Variants in SCMH1 observed in about 807,000 individuals in gnomAD.
SCMH1 encodes Scm polycomb group protein homolog 1, also known as polycomb protein SCMH1.
In SCMH1, 37 loss-of-function variants were observed where a neutral mutation model predicts 70.8. That is an observed-to-expected ratio of 0.52 (90% CI 0.40 to 0.69). The LOEUF (loss-of-function observed/expected upper bound fraction) is 0.69, where lower values mean the gene tolerates loss of function less well. Among genes scored for constraint, SCMH1 ranks in the 30% least tolerant of loss-of-function variants. The probability of loss-of-function intolerance (pLI) is 0.00; values close to 1 mark genes in which losing one functional copy is unlikely to be tolerated. For missense variants in SCMH1, 607 were observed against 827.3 expected (o/e 0.73, Z 3.27); for synonymous variants, 292 against 307.4 (o/e 0.95, Z 0.52).
intron 8 of SCMH1, among the ~76,000 whole-genome samples, chr1:41,084,021 C>T (rs1439108568): frequency 2.0e-5 from 3 of 152,112 alleles, no homozygotes; most frequent in Admixed American, 6.5e-5. Context: ...ACCATAAAAA[C>T]CCTAGAAGAA....
At chr1:41,051,962 T>C (rs1052313835) in intron 10 of SCMH1, among the ~76,000 whole-genome samples, 3 of 152,224 alleles carry the variant, frequency 2.0e-5, no homozygotes, top group African/African-American at 7.2e-5. Context: ...ACTTCCAGTA[T>C]TGCAAGCTCC....
chr1:41,241,595 G>T (rs969872405), intron 1 of SCMH1, among the ~76,000 whole-genome samples: 1 of 152,150 alleles, frequency 6.6e-6, no homozygotes, highest in South Asian at 2.1e-4. Context: ...CTCTGGCGCC[G>T]GAGGGGACCG....
intron 1 of SCMH1, among the ~76,000 whole-genome samples, chr1:41,229,540 T>A (rs1192753008): frequency 6.6e-6 from 1 of 151,870 alleles, no homozygotes; most frequent in Non-Finnish European, 1.5e-5. Context: ...AAGTGAACAA[T>A]GAGAACACTT....
chr1:41,189,814 C>G (rs1042132231), intron 1 of SCMH1, among the ~76,000 whole-genome samples: 1 of 152,204 alleles, frequency 6.6e-6, no homozygotes, highest in Admixed American at 6.5e-5. Context: ...CCATGACTTC[C>G]TTTGTCCTAC....
chr1:41,179,711 G>A (rs901069293), intron 2 of SCMH1, among the ~76,000 whole-genome samples: 4 of 152,144 alleles, frequency 2.6e-5, no homozygotes, highest in African/African-American at 9.7e-5. Context: ...CTGAAATTGA[G>A]GCGATAATTA....
chr1:41,209,715 C>T (rs1379042203), intron 1 of SCMH1, among the ~76,000 whole-genome samples: 1 of 152,196 alleles, frequency 6.6e-6, no homozygotes, highest in Non-Finnish European at 1.5e-5. Flanking sequence ...TGGGACATAT[C>T]TCAAAATAAT....
chr1:41,206,759 A>G (rs928923836), intron 1 of SCMH1, among the ~76,000 whole-genome samples: 2 of 152,194 alleles, frequency 1.3e-5, no homozygotes, highest in African/African-American at 4.8e-5. Context: ...CCAAGGGTGA[A>G]ATCAAGGAAA....
At chr1:41,089,943 C>T (rs1040340247) in intron 8 of SCMH1, among the ~76,000 whole-genome samples, 1 of 151,866 alleles carries the variant, frequency 6.6e-6, no homozygotes, top group South Asian at 2.1e-4. Context: ...AGGCATGTGC[C>T]ACCATGCCTG....
intron 6 of SCMH1, among the ~76,000 whole-genome samples, chr1:41,133,832 ATAG>A (rs1208409075): frequency 6.6e-6 from 1 of 152,236 alleles, no homozygotes; most frequent in East Asian, 1.9e-4. Context: ...AGATGGATTC[ATAG>A]TCAAATTCTA....
intron 8 of SCMH1, among the ~76,000 whole-genome samples, chr1:41,079,990 A>C (rs983467534): frequency 6.6e-5 from 10 of 152,144 alleles, no homozygotes; most frequent in African/African-American, 2.4e-4. Context: ...TTTAGGTATA[A>C]GATGTCCATT....
Position 41,073,086 on chromosome 1 carries a change from G to A in SCMH1, c.978+2133C>T, listed in dbSNP as rs148190722. 2.2e-3 allele frequency among the ~76,000 whole-genome samples: 337 copies of A among 152,314 alleles called. 2 individuals are homozygous for A. The highest frequency in any genetic ancestry group is 9.0e-3 in the Admixed American group (137 of 15,300). On this transcript the variant is annotated intron_variant, in intron 9 of 14. Transcript: ENST00000337495. ...CAAGACTTCCTGAGGGAGCAGAGCAGAGGCAATCACAGAATCAGTTTTTGA... is the reference window on the plus strand; with the variant it reads ...CAAGACTTCCTGAGGGAGCAGAGCAAAGGCAATCACAGAATCAGTTTTTGA...
chr1:41,104,202 C>A (rs1667309824), intron 8 of SCMH1, among the ~76,000 whole-genome samples: 1 of 152,160 alleles, frequency 6.6e-6, no homozygotes, highest in African/African-American at 2.4e-5. Flanking sequence ...GGGAGGCAGA[C>A]ACTTGTCTAT....
At chr1:41,058,378 G>GTTTTTTTTTTTTTTTTTTTTTTTTTTTTT (rs548733204) in intron 10 of SCMH1, among the ~76,000 whole-genome samples, 8 of 81,640 alleles carry the variant, frequency 9.8e-5, no homozygotes, top group African/African-American at 2.0e-4. Context: ...TTTCTTTCTT[G>GTTTTTTTTTTTTTTTTTTTTTTTTTTTTT]TTTTTTTTTT....
intron 6 of SCMH1, among the ~76,000 whole-genome samples, chr1:41,117,358 G>A (rs984078854): frequency 9.2e-5 from 14 of 152,296 alleles, no homozygotes; most frequent in African/African-American, 3.4e-4. Flanking sequence ...TGTTATGCCC[G>A]GACAGGGCCA....
At chr1:41,029,340 G>A (rs1284536154) in intron 13 of SCMH1, among the ~76,000 whole-genome samples, 1 of 152,174 alleles carries the variant, frequency 6.6e-6, no homozygotes. Flanking sequence ...AGCCTCCTGA[G>A]TAGTTGGGAT....
intron 5 of SCMH1, among the ~76,000 whole-genome samples, chr1:41,144,906 A>G (rs1300513431): frequency 1.3e-5 from 2 of 152,170 alleles, no homozygotes; most frequent in African/African-American, 2.4e-5. Flanking sequence ...AGAAATATCT[A>G]TTCAAATTCT....
intron 2 of SCMH1, among the ~76,000 whole-genome samples, chr1:41,165,170 A>G (rs76403969): frequency 9.2e-5 from 14 of 152,240 alleles, no homozygotes; most frequent in African/African-American, 3.4e-4. Flanking sequence ...TGACTTCAAC[A>G]TTACATCCTC....
chr1:41,159,292 T>A (rs1006368338), intron 4 of SCMH1, among the ~76,000 whole-genome samples: 5 of 152,214 alleles, frequency 3.3e-5, no homozygotes, highest in Non-Finnish European at 5.9e-5. Flanking sequence ...ACTGATATAC[T>A]CTATGTTAAA....
chr1:41,034,725 G>A (rs1017733846), intron 13 of SCMH1, among the ~76,000 whole-genome samples: 19 of 152,122 alleles, frequency 1.2e-4, no homozygotes, highest in Non-Finnish European at 2.5e-4. Context: ...TGGAATCAGG[G>A]TGTGGAAGTG....
Sources: gnomAD v4.1 joint callset for allele counts (sites outside exome capture counted in the v4.1 genomes callset) on GRCh38, gnomAD v4.1.1 for gene constraint, MANE v1.5 for transcripts, NCBI Gene and HGNC (gene_info 2026-07-23, HGNC 2026-07-21) for gene names.